The following PDS5B variants were observed in gnomAD, a reference collection of about 807,000 sequenced individuals.
The protein encoded by PDS5B is sister chromatid cohesion protein PDS5 homolog B.
PDS5B carries 51 observed loss-of-function variants against 184.1 expected under a neutral mutation model. The ratio of observed to expected loss-of-function variants is 0.28; its 90% CI spans 0.22 to 0.35. PDS5B has a LOEUF of 0.35. Ranked by LOEUF, PDS5B falls within the 10% of genes least tolerant of loss-of-function variation. The pLI is 1.00. For synonymous variants in PDS5B, 566 were observed against 569.2 expected (o/e 0.99, Z 0.08); for missense variants, 1,180 against 1,723.3 (o/e 0.68, Z 5.58).
At chr13:32,681,110 C>A (rs1291732138) in intron 10 of PDS5B, among the ~76,000 whole-genome samples, 1 of 152,142 alleles carries the variant, frequency 6.6e-6, no homozygotes, top group African/African-American at 2.4e-5. Flanking sequence ...TATTGGCTTC[C>A]CATCTCCTGT....
At chr13:32,628,663 G>A (rs2058407656) in intron 1 of PDS5B, among the ~76,000 whole-genome samples, 1 of 150,988 alleles carries the variant, frequency 6.6e-6, no homozygotes, top group Admixed American at 6.6e-5. Flanking sequence ...GTTATATTTG[G>A]TGTTTATTTT....
intron 2 of PDS5B, 24 bp downstream of exon 2, chr13:32,648,904 T>C: frequency 4.9e-6 from 5 of 1,015,508 alleles, no homozygotes; most frequent in Non-Finnish European, 7.9e-6. Context: ...TATTCTTTTT[T>C]ACATCTGTGT....
intron 19 of PDS5B, among the ~76,000 whole-genome samples, chr13:32,711,203 T>G (rs1952193291): frequency 1.3e-5 from 2 of 152,016 alleles, no homozygotes; most frequent in Non-Finnish European, 1.5e-5. Flanking sequence ...CAGGTTGGTC[T>G]TGAACTCCTG....
At chr13:32,728,237 G>A (rs948304061) in intron 19 of PDS5B, among the ~76,000 whole-genome samples, 4 of 151,862 alleles carry the variant, frequency 2.6e-5, no homozygotes, top group African/African-American at 9.7e-5. Context: ...GTAGCATAGT[G>A]TTTTTTGTAA....
At chr13:32,699,033 T>C (rs1367583584) in intron 15 of PDS5B, among the ~76,000 whole-genome samples, 1 of 152,160 alleles carries the variant, frequency 6.6e-6, no homozygotes, top group African/African-American at 2.4e-5. Context: ...AGTTCCATTT[T>C]ACAATTTCTG....
intron 1 of PDS5B, among the ~76,000 whole-genome samples, chr13:32,587,624 G>A (rs2057709791): frequency 2.6e-5 from 4 of 152,180 alleles, no homozygotes; most frequent in Admixed American, 6.5e-5. Flanking sequence ...GCTGCAGGCT[G>A]CTGCGTTCCT....
chr13:32,594,096 A>G (rs2057819166), intron 1 of PDS5B, among the ~76,000 whole-genome samples: 1 of 152,250 alleles, frequency 6.6e-6, no homozygotes, highest in Admixed American at 6.5e-5. Context: ...TGTAACCCAC[A>G]AACATGTACA....
rs547097380 is a variant in PDS5B, at chr13:32,683,204, G to T, written c.1058-674G>T. ...ATTTTTTTGTATTTTTAGTAGAGAC[G>T]AGGTTTCACCGTGTTGGCCAGGCTG... On this transcript the variant is annotated intron_variant, in intron 10 of 34. Transcript: ENST00000315596. Among the ~76,000 whole-genome samples, 21 of 151,872 alleles carry T rather than the reference G, an allele frequency of 1.4e-4. 1 individual carries two copies. The highest frequency in any genetic ancestry group is 6.8e-3 in the Middle Eastern group (2 of 292).
chr13:32,613,546 ACTGT>A (rs1378329733), intron 1 of PDS5B, among the ~76,000 whole-genome samples: 1 of 151,920 alleles, frequency 6.6e-6, no homozygotes, highest in East Asian at 1.9e-4. Flanking sequence ...TCTCTGGAAA[ACTGT>A]CTATTCATAT....
intron 1 of PDS5B, among the ~76,000 whole-genome samples, chr13:32,633,304 CTA>C (rs924363005): frequency 2.0e-5 from 3 of 152,028 alleles, no homozygotes; most frequent in African/African-American, 4.8e-5. Context: ...ATGGTAGATT[CTA>C]TGTTACATAT....
chr13:32,688,496 C>T lies in PDS5B; in HGVS notation c.1396C>T (p.His466Tyr), dbSNP rs757012627. The T allele has an allele frequency of 6.2e-7, 1 of 1,608,926 alleles. No homozygotes were observed. Reference protein sequence around the residue: ...ERIFAQYMVPHNLETTERMKC... With the variant: ...ERIFAQYMVPYNLETTERMKC... ...GATCTTTGCTCAATACATGGTTCCTCACAATTTAGAAACTACAGAACGGAT... is the reference window on the plus strand; with the variant it reads ...GATCTTTGCTCAATACATGGTTCCTTACAATTTAGAAACTACAGAACGGAT... The change falls in exon 13 of 35, where the codon CAC (histidine) becomes TAC (tyrosine). Residue 466 changes from histidine to tyrosine, a missense_variant. Transcript: ENST00000315596.
chr13:32,626,295 C>A (rs2058369999), intron 1 of PDS5B, among the ~76,000 whole-genome samples: 1 of 152,174 alleles, frequency 6.6e-6, no homozygotes. Flanking sequence ...GACCGTGGTC[C>A]TATGTTCCTC....
chr13:32,638,709 T>C (rs906048323), intron 1 of PDS5B, among the ~76,000 whole-genome samples: 7 of 152,058 alleles, frequency 4.6e-5, no homozygotes, highest in Non-Finnish European at 1.0e-4. Flanking sequence ...AGGAGATAAC[T>C]AATCAAGTAA....
At chr13:32,640,048 G>T (rs915851771) in intron 1 of PDS5B, among the ~76,000 whole-genome samples, 1 of 152,044 alleles carries the variant, frequency 6.6e-6, no homozygotes, top group Non-Finnish European at 1.5e-5. Context: ...TTTCTATTCA[G>T]TGAAAATATC....
intron 19 of PDS5B, among the ~76,000 whole-genome samples, chr13:32,730,344 T>C (rs1296733461): frequency 6.6e-6 from 1 of 152,220 alleles, no homozygotes; most frequent in African/African-American, 2.4e-5. Flanking sequence ...TTTTGGTTAC[T>C]GTAGCCTTGT....
At chr13:32,705,174 T>C (rs556191071) in intron 17 of PDS5B, among the ~76,000 whole-genome samples, 56 of 152,304 alleles carry the variant, frequency 3.7e-4, no homozygotes, top group African/African-American at 1.2e-3. Context: ...TTAATGTGTT[T>C]GTTAACTTAT....
chr13:32,747,156 G>A (rs1236680343), intron 24 of PDS5B, among the ~76,000 whole-genome samples: 2 of 152,126 alleles, frequency 1.3e-5, no homozygotes, highest in Non-Finnish European at 2.9e-5. Flanking sequence ...TACCGCTTTA[G>A]AAGTCTTTAG....
intron 18 of PDS5B, among the ~76,000 whole-genome samples, chr13:32,709,360 C>T (rs1200508878): frequency 1.3e-5 from 2 of 151,874 alleles, no homozygotes; most frequent in Non-Finnish European, 2.9e-5. Context: ...ATTCAGTTTT[C>T]CCAGGACTAT....
At chr13:32,596,650 C>T (rs76928565) in intron 1 of PDS5B, among the ~76,000 whole-genome samples, 4,541 of 151,800 alleles carry the variant, frequency 0.03, 108 homozygotes, top group Non-Finnish European at 0.051. Context: ...TCCTCACCAA[C>T]ACTTGGTTAG....
Sources: gnomAD v4.1 joint callset for allele counts (sites outside exome capture counted in the v4.1 genomes callset) on GRCh38, gnomAD v4.1.1 for gene constraint, MANE v1.5 for transcripts, NCBI Gene and HGNC (gene_info 2026-07-23, HGNC 2026-07-21) for gene names.